Variants in WDHD1 observed in about 807,000 individuals in gnomAD.
WDHD1 encodes the protein WD repeat and HMG-box DNA-binding protein 1.
A neutral mutation model predicts 135.4 loss-of-function variants in WDHD1; 111 were observed. The observed-to-expected ratio is 0.82, with a 90% CI of 0.70 to 0.96. The LOEUF is 0.96. Ranked by LOEUF, WDHD1 falls within the 40% of genes least tolerant of loss-of-function variation. The pLI, the probability that WDHD1 is intolerant of heterozygous loss-of-function variation, is 0.00. For synonymous variants in WDHD1, 434 were observed against 439.0 expected, an observed-to-expected ratio of 0.99 and a Z score of 0.14; for missense variants, 1,351 against 1,336.3, an observed-to-expected ratio of 1.01 and a Z score of -0.17.
chr14:54,953,848 C>A (rs560142319), intron 24 of WDHD1, among the ~76,000 whole-genome samples: 2 of 152,122 alleles, frequency 1.3e-5, no homozygotes, highest in South Asian at 2.1e-4. Flanking sequence ...TGGGAACCAT[C>A]ATTCTCAGCA....
At chr14:54,948,449 C>T (rs1712890052) in intron 24 of WDHD1, among the ~76,000 whole-genome samples, 1 of 152,222 alleles carries the variant, frequency 6.6e-6, no homozygotes, top group African/African-American at 2.4e-5. Flanking sequence ...GAGCCTCACT[C>T]ATTGCTAGCA....
intron 10 of WDHD1, among the ~76,000 whole-genome samples, chr14:54,999,070 G>A (rs914982945): frequency 2.0e-5 from 3 of 151,904 alleles, no homozygotes; most frequent in South Asian, 2.1e-4. Flanking sequence ...CTCTCTTTAC[G>A]TCTTTTCTCT....
chr14:54,943,121 G>A (rs542671294), intron 25 of WDHD1, among the ~76,000 whole-genome samples: 1 of 152,316 alleles, frequency 6.6e-6, no homozygotes, highest in African/African-American at 2.4e-5. Context: ...CTGGGGAAGT[G>A]AAACCTGAGG....
chr14:54,964,635 T>A, intron 18 of WDHD1, among the ~76,000 whole-genome samples: 1 of 151,074 alleles, frequency 6.6e-6, no homozygotes, highest in East Asian at 1.9e-4. Flanking sequence ...CGAGACTTCG[T>A]TTCAAAAAAA....
intron 2 of WDHD1, among the ~76,000 whole-genome samples, chr14:55,024,821 G>C (rs1470749946): frequency 8.4e-6 from 1 of 119,420 alleles, no homozygotes; most frequent in African/African-American, 2.9e-5. Flanking sequence ...CTAATCTCAA[G>C]TACCCAGGGA....
chr14:54,957,221 T>G lies in WDHD1; in HGVS notation c.2746-17A>C. 1.9e-6 allele frequency: 3 copies of G among 1,596,274 alleles called. No individual in the cohort carries two copies. The highest frequency in any genetic ancestry group is 1.7e-4 in the Middle Eastern group (1 of 5,974). ...GGCTGATACCTAAAGAGCAAACTAG[T>G]GTTAGCACTGTATGTTTAAAGAAGA... On this transcript the variant is annotated splice_polypyrimidine_tract_variant and intron_variant, in intron 22 of 25. Transcript: ENST00000360586.
intron 10 of WDHD1, among the ~76,000 whole-genome samples, chr14:54,997,256 T>C (rs1231901677): frequency 6.6e-6 from 1 of 151,548 alleles, no homozygotes; most frequent in Non-Finnish European, 1.5e-5. Flanking sequence ...CAACCACACC[T>C]GGCTAATTTT....
intron 2 of WDHD1, among the ~76,000 whole-genome samples, chr14:55,024,071 T>C (rs987442738): frequency 6.6e-6 from 1 of 152,254 alleles, no homozygotes; most frequent in African/African-American, 2.4e-5. Context: ...CTGCTAGTTT[T>C]TTCAAATTGT....
chr14:54,987,365 T>G lies in WDHD1; in HGVS notation c.1549A>C (p.Ser517Arg), dbSNP rs1179938381. The G allele has an allele frequency of 1.2e-6, 2 of 1,613,478 alleles. No individual in the cohort carries two copies. The highest frequency in any genetic ancestry group is 1.7e-6 in the Non-Finnish European group (2 of 1,179,820). ...LASKLHCLHF[S>R]SWDSSKEWII... ...CACTCTTTGCTTGAATCCCAAGAAC[T>G]AAAGTGCAGGCAGTGAAGCTTGCTA... The change falls in exon 14 of 26, where the codon AGT becomes CGT. Residue 517 changes from serine (S) to arginine (R), a missense_variant. Ser to Arg is a moderately radical substitution (Grantham distance 110, BLOSUM62 -1). Coordinates refer to ENST00000360586, the MANE Select transcript of WDHD1 (RefSeq NM_007086.4).
intron 10 of WDHD1, among the ~76,000 whole-genome samples, chr14:54,999,129 A>G (rs141680216): frequency 1.3e-5 from 2 of 152,232 alleles, no homozygotes; most frequent in South Asian, 2.1e-4. Context: ...CCTGAAATGC[A>G]TAAGAATGGC....
intron 18 of WDHD1, among the ~76,000 whole-genome samples, chr14:54,964,425 G>A (rs775138773): frequency 3.9e-5 from 6 of 152,104 alleles, no homozygotes; most frequent in Non-Finnish European, 7.3e-5. Flanking sequence ...TGGATCACAA[G>A]GTCAGGAGAT....
intron 16 of WDHD1, among the ~76,000 whole-genome samples, chr14:54,975,232 T>C (rs2041506334): frequency 6.6e-6 from 1 of 152,226 alleles, no homozygotes; most frequent in Non-Finnish European, 1.5e-5. Context: ...CTCTCAGTTA[T>C]GTATTAACCA....
intron 18 of WDHD1, among the ~76,000 whole-genome samples, chr14:54,964,425 G>C (rs775138773): frequency 6.6e-6 from 1 of 152,104 alleles, no homozygotes; most frequent in Non-Finnish European, 1.5e-5. Flanking sequence ...TGGATCACAA[G>C]GTCAGGAGAT....
intron 10 of WDHD1, among the ~76,000 whole-genome samples, chr14:54,996,274 A>C (rs1009626107): frequency 6.6e-6 from 1 of 152,230 alleles, no homozygotes; most frequent in Non-Finnish European, 1.5e-5. Context: ...TTATAAAAAT[A>C]AAGTGATAGA....
At chr14:55,008,571 C>G (rs2042111762) in intron 5 of WDHD1, 37 bp downstream of exon 5, 1 of 1,545,446 alleles carries the variant, frequency 6.5e-7, no homozygotes, top group African/African-American at 1.4e-5. Flanking sequence ...TAAACATATT[C>G]AGGAAAAACA....
intron 24 of WDHD1, among the ~76,000 whole-genome samples, chr14:54,949,868 T>C (rs576225082): frequency 2.5e-4 from 38 of 152,238 alleles, no homozygotes; most frequent in South Asian, 1.0e-3. Context: ...AATTTTCAAC[T>C]CAGAATTTCA....
chr14:55,010,236 C>T, intron 4 of WDHD1, 73 bp downstream of exon 4: 2 of 1,372,436 alleles, frequency 1.5e-6, no homozygotes, highest in Non-Finnish European at 9.6e-7. Flanking sequence ...GTCCTGAAAA[C>T]ACTACCCTGA....
chr14:55,026,905 G>T, intron 1 of WDHD1, 102 bp from the exon 2 acceptor site: 1 of 1,120,746 alleles, frequency 8.9e-7, no homozygotes, highest in Non-Finnish European at 1.3e-6. Context: ...CCCGTTCTCC[G>T]CAGCCCGGTT....
chr14:54,974,733 A>G (rs2041496887), intron 16 of WDHD1, among the ~76,000 whole-genome samples: 2 of 152,158 alleles, frequency 1.3e-5, no homozygotes, highest in Non-Finnish European at 2.9e-5. Context: ...AGGCTGAGGC[A>G]TAAGAATCAC....
Sources: allele counts gnomAD v4.1 joint callset (sites outside exome capture counted in the v4.1 genomes callset), GRCh38; gene constraint gnomAD v4.1.1; transcripts MANE v1.5; gene names NCBI Gene and HGNC (gene_info 2026-07-23, HGNC 2026-07-21).